The following MYO18B variants were observed in gnomAD, a reference collection of about 807,000 sequenced individuals.
MYO18B encodes the protein unconventional myosin-XVIIIb.
MYO18B carries 204 observed loss-of-function variants against 273.0 expected under a neutral mutation model. That is an observed-to-expected ratio of 0.75 (90% CI 0.67 to 0.84). The LOEUF is 0.84. Ranked by LOEUF, MYO18B falls within the 40% of genes least tolerant of loss-of-function variation. The pLI is 0.00. For synonymous variants in MYO18B, 1,330 were observed against 1,305.7 expected (o/e 1.02, Z -0.40); for missense variants, 3,212 against 3,287.6 (o/e 0.98, Z 0.56).
chr22:26,009,755 T>C (rs1191339809), intron 42 of MYO18B, among the ~76,000 whole-genome samples: 1 of 152,154 alleles, frequency 6.6e-6, no homozygotes, highest in Non-Finnish European at 1.5e-5. Context: ...CACGACCTTA[T>C]CTCCAAATGC....
chr22:25,902,842 G>A, intron 30 of MYO18B, 106 bp downstream of exon 30: 2 of 1,285,846 alleles, frequency 1.6e-6, no homozygotes, highest in Non-Finnish European at 2.1e-6. Context: ...ACTTCACAAG[G>A]GTATCCTGGT....
chr22:25,974,728 A>G (rs750326148), intron 39 of MYO18B, among the ~76,000 whole-genome samples: 1 of 152,220 alleles, frequency 6.6e-6, no homozygotes, highest in East Asian at 1.9e-4. Flanking sequence ...TGGAACATAA[A>G]ACTGAAAGGG....
chr22:25,826,426 G>A lies in MYO18B; in HGVS notation c.2713G>A (p.Val905Met), dbSNP rs1444352270. 6.2e-7 allele frequency: 1 copy of A among 1,613,446 alleles called. No individual in the cohort carries two copies. Among genetic ancestry groups the A allele is most frequent in the Non-Finnish European group, 8.5e-7 (1 of 1,179,680 alleles). Residue 905 changes from valine to methionine, a missense_variant, in exon 14 of 44, where the codon GTG (valine) becomes ATG (methionine). Coordinates refer to ENST00000335473, the MANE Select transcript of MYO18B (RefSeq NM_032608.7). ...TTTCCCAGGGCTCAAGATGACAGGA[G>A]TGGACTGTGTGGAGGGGATGGCCTC... ...ETSSGLKMTG[V>M]DCVEGMASGL...
At position 25,997,129 on chromosome 22, in the gene MYO18B, C is replaced by T. The variant is rs530981841; in HGVS notation, c.6287+4636C>T. Among the ~76,000 whole-genome samples the T allele has an allele frequency of 3.3e-5, 5 of 151,892 alleles. No individual in the cohort carries two copies. The East Asian group carries it at 7.8e-4, about 24-fold the overall frequency. On this transcript the variant is annotated intron_variant, in intron 40 of 43. Coordinates refer to ENST00000335473, the MANE Select transcript of MYO18B (RefSeq NM_032608.7). Reference sequence around the variant, plus strand: ...CTTGAGGTCAGGAGTTCGAGCCCCGCCTGGCCAACATGGTGAAACCCTGTC... The same window carrying T: ...CTTGAGGTCAGGAGTTCGAGCCCCGTCTGGCCAACATGGTGAAACCCTGTC...
intron 12 of MYO18B, among the ~76,000 whole-genome samples, chr22:25,818,078 C>T (rs1314702581): frequency 6.6e-6 from 1 of 152,236 alleles, no homozygotes; most frequent in African/African-American, 2.4e-5. Context: ...GATCTCTGCA[C>T]TTAGCTTTGG....
intron 40 of MYO18B, among the ~76,000 whole-genome samples, chr22:26,002,819 G>A (rs9613077): frequency 0.12 from 18,304 of 152,110 alleles, 1,187 homozygotes; most frequent in Middle Eastern, 0.15. Context: ...AGCTACCATC[G>A]TAATTAGTAT....
intron 39 of MYO18B, among the ~76,000 whole-genome samples, chr22:25,961,220 TAAAA>T (rs749508614): frequency 1.6e-5 from 2 of 124,836 alleles, no homozygotes; most frequent in Non-Finnish European, 1.7e-5. Flanking sequence ...AGCCTCCATC[TAAAA>T]AAAAAAAAAA....
intron 17 of MYO18B, among the ~76,000 whole-genome samples, chr22:25,841,419 G>T (rs776853007): frequency 1.3e-5 from 2 of 152,212 alleles, no homozygotes; most frequent in African/African-American, 2.4e-5. Flanking sequence ...GAACAAGCAG[G>T]CCTGGAAGCT....
intron 42 of MYO18B, among the ~76,000 whole-genome samples, chr22:26,010,601 C>A (rs1934832156): frequency 6.6e-6 from 1 of 152,178 alleles, no homozygotes; most frequent in Non-Finnish European, 1.5e-5. Flanking sequence ...CAAATTAGCA[C>A]TCTAGAGTGC....
At chr22:25,994,608 C>T (rs1206377441) in intron 40 of MYO18B, among the ~76,000 whole-genome samples, 1 of 152,230 alleles carries the variant, frequency 6.6e-6, no homozygotes, top group African/African-American at 2.4e-5. Flanking sequence ...TGCTAATTGG[C>T]ACAGCTGCCA....
At position 25,846,159 on chromosome 22, in the gene MYO18B, TGGCAGGCCTGGAG is replaced by T; in HGVS notation, c.3433_3445del (p.Gly1145ProfsTer12). The T allele has an allele frequency of 6.2e-7, 1 of 1,609,974 alleles. No individual in the cohort carries two copies. The highest frequency in any genetic ancestry group is 8.5e-7 in the Non-Finnish European group (1 of 1,178,834). Reference sequence around the variant, plus strand: ...AAGCTGCCTCCTGTGTGCCGGGCTGTGGCAGGCCTGGAGGGCACCTCCCAGCAGGCCCTGCAGA... The same window carrying T: ...AAGCTGCCTCCTGTGTGCCGGGCTGTGGCACCTCCCAGCAGGCCCTGCAGA... On this transcript the variant is annotated frameshift_variant, in exon 19 of 44. Transcript: ENST00000335473. LOFTEE classifies it high-confidence loss of function.
At chr22:25,877,355 T>TG (rs2091228224) in intron 24 of MYO18B, 1 of 152,218 alleles carries the variant, frequency 6.6e-6, no homozygotes, top group Non-Finnish European at 1.5e-5. Flanking sequence ...TACATATTTA[T>TG]GGGGTATAAT....
intron 21 of MYO18B, among the ~76,000 whole-genome samples, chr22:25,861,251 T>C (rs2090726842): frequency 6.6e-6 from 1 of 152,226 alleles, no homozygotes; most frequent in Non-Finnish European, 1.5e-5. Context: ...TCTCCAACTA[T>C]TAATGTTAAA....
At chr22:25,802,764 A>C (rs1459403834) in intron 12 of MYO18B, among the ~76,000 whole-genome samples, 5 of 91,144 alleles carry the variant, frequency 5.5e-5, no homozygotes, top group African/African-American at 1.7e-4. Flanking sequence ...AAAAAAAAAA[A>C]AAAAAAAAAA....
the MYO18B span, among the ~76,000 whole-genome samples, chr22:26,062,288 G>T: frequency 6.6e-6 from 1 of 152,096 alleles, no homozygotes; most frequent in South Asian, 2.1e-4. Context: ...ATTGAGGATG[G>T]GAAGGTATCT....
the MYO18B span, among the ~76,000 whole-genome samples, chr22:26,061,196 G>A: frequency 6.6e-6 from 1 of 152,188 alleles, no homozygotes; most frequent in Admixed American, 6.5e-5. Context: ...CTGCTGTACT[G>A]TTCTCTGTGA....
At chr22:25,895,474 G>A in intron 28 of MYO18B, 194 bp downstream of exon 28, 2 of 600,704 alleles carry the variant, frequency 3.3e-6, no homozygotes, top group South Asian at 4.6e-5. Context: ...GTCTGTACAT[G>A]TGGATCTTCT....
intron 30 of MYO18B, 71 bp from the exon 31 acceptor site, chr22:25,903,560 A>G: frequency 6.8e-7 from 1 of 1,462,044 alleles, no homozygotes; most frequent in South Asian, 1.3e-5. Context: ...AGTTGGTTGT[A>G]GAGGTATCCC....
chr22:26,033,924 T>TCTTTCTTTCCTTCCTTCCTTCCTTC (rs1936725098), downstream of MYO18B, among the ~76,000 whole-genome samples: 1 of 150,630 alleles, frequency 6.6e-6, no homozygotes, highest in Non-Finnish European at 1.5e-5. Flanking sequence ...TTCTTTCCTT[T>TCTTTCTTTCCTTCCTTCCTTCCTTC]CTTTCTTTCC....
Sources: allele counts gnomAD v4.1 joint callset (sites outside exome capture counted in the v4.1 genomes callset), GRCh38; gene constraint gnomAD v4.1.1; transcripts MANE v1.5; gene names NCBI Gene and HGNC (gene_info 2026-07-23, HGNC 2026-07-21).